The following CDH3 variants were observed in gnomAD, a reference collection of about 807,000 sequenced individuals.
The protein encoded by CDH3 is cadherin-3.
In CDH3, 54 loss-of-function variants were observed where a neutral mutation model predicts 82.0. The ratio of observed to expected loss-of-function variants is 0.66; its 90% CI spans 0.53 to 0.83. The LOEUF (loss-of-function observed/expected upper bound fraction) is 0.83, where lower values mean the gene tolerates loss of function less well. Ranked by LOEUF, CDH3 falls within the 40% of genes least tolerant of loss-of-function variation. CDH3 has a pLI of 0.00. For synonymous variants in CDH3, 446 were observed against 437.9 expected (o/e 1.02, Z -0.23); for missense variants, 1,054 against 1,084.6 (o/e 0.97, Z 0.40).
chr16:68,729,164 T>G (rs1250025457), downstream of CDH3, among the ~76,000 whole-genome samples: 1 of 151,978 alleles, frequency 6.6e-6, no homozygotes, highest in Non-Finnish European at 1.5e-5. Context: ...AATTAGCTGC[T>G]CATGGTGGTG....
At chr16:68,717,751 G>A (rs1962111649) in intron 1 of CDH3, among the ~76,000 whole-genome samples, 1 of 151,010 alleles carries the variant, frequency 6.6e-6, no homozygotes, top group South Asian at 2.1e-4. Context: ...CCAGCCTGGG[G>A]GATAAGAGCG....
chr16:68,714,224 G>A (rs1327517182), intron 1 of CDH3, among the ~76,000 whole-genome samples: 3 of 152,182 alleles, frequency 2.0e-5, no homozygotes, highest in South Asian at 2.1e-4. Context: ...GTGAGCCACC[G>A]CACCCAGCCC....
chr16:68,662,748 G>A (rs528344484), intron 2 of CDH3, among the ~76,000 whole-genome samples: 112 of 150,704 alleles, frequency 7.4e-4, no homozygotes, highest in Admixed American at 6.3e-3. Flanking sequence ...GAGTTTCACC[G>A]CATTAGCCAG....
intron 2 of CDH3, among the ~76,000 whole-genome samples, chr16:68,725,534 C>T (rs1007100394): frequency 2.6e-5 from 4 of 151,880 alleles, no homozygotes; most frequent in East Asian, 2.0e-4. Context: ...GGGGTTTCAC[C>T]ATGTTAGCCA....
intron 1 of CDH3, among the ~76,000 whole-genome samples, chr16:68,716,563 A>G (rs918536469): frequency 4.3e-5 from 6 of 139,348 alleles, no homozygotes; most frequent in African/African-American, 1.6e-4. Context: ...TGAGGTTACA[A>G]TGAGCTATGA....
chr16:68,667,508 T>C (rs1960766657), intron 2 of CDH3, among the ~76,000 whole-genome samples: 1 of 152,164 alleles, frequency 6.6e-6, no homozygotes, highest in East Asian at 1.9e-4. Context: ...CATCCAGTAA[T>C]GTTGGACATC....
intron 11 of CDH3, 91 bp from the exon 12 acceptor site, chr16:68,687,421 G>A (rs1961442314): frequency 2.1e-6 from 2 of 933,156 alleles, no homozygotes; most frequent in African/African-American, 1.6e-5. Flanking sequence ...AAGGTCTTGA[G>A]AGGTGAGAGC....
downstream of CDH3, among the ~76,000 whole-genome samples, chr16:68,704,958 G>A (rs1253736244): frequency 6.6e-6 from 1 of 152,142 alleles, no homozygotes; most frequent in Non-Finnish European, 1.5e-5. Context: ...AGCTACTCGG[G>A]AGGCTGAGGA....
intron 1 of CDH3, among the ~76,000 whole-genome samples, chr16:68,709,620 G>C (rs1962004032): frequency 6.6e-6 from 1 of 152,076 alleles, no homozygotes; most frequent in Non-Finnish European, 1.5e-5. Context: ...CACCACGCCC[G>C]GCTAATTTTT....
intron 4 of CDH3, 98 bp from the exon 5 acceptor site, chr16:68,678,403 A>G (rs972073865): frequency 5.7e-6 from 9 of 1,579,836 alleles, no homozygotes; most frequent in Non-Finnish European, 7.8e-6. Context: ...TTCAGTGAGC[A>G]GATTCTCCTA....
Position 68,675,667 on chromosome 16 carries a change from G to A in CDH3, c.161-718G>A, listed in dbSNP as rs144293998. 7.1e-3 allele frequency among the ~76,000 whole-genome samples: 1,072 copies of A among 152,044 alleles called. 10 individuals carry two copies. The highest frequency in any genetic ancestry group is 0.016 in the African/African-American group (678 of 41,478). On this transcript the variant is annotated intron_variant, in intron 2 of 15. Coordinates refer to ENST00000264012, the MANE Select transcript of CDH3 (RefSeq NM_001793.6). ...AAATTAGCTGGGCATGGTGGCGCAC[G>A]CCTGTAACCCCAGCTACTCAGGAGG...
Position 68,698,629 on chromosome 16 carries a change from G to T in CDH3, c.*229G>T, listed in dbSNP as rs1961821572. ...ACTGAAAACCTCTCCACCTGGGCCA[G>T]GGTTGCCTCAGAGGCCAAGTTTCCA... On this transcript the variant is annotated 3_prime_UTR_variant, in exon 16 of 16. Transcript: ENST00000264012. 1 of 574,414 alleles carries T rather than the reference G, an allele frequency of 1.7e-6. No individual in the cohort carries two copies. Among genetic ancestry groups the T allele is most frequent in the African/African-American group, 1.9e-5 (1 of 53,434 alleles). The allele number at this position is 574,414 out of a possible 1,614,324, so 35.6% of individuals were successfully genotyped here.
Position 68,645,317 on chromosome 16 carries a change from C to G in CDH3, c.-63C>G. 5 of 1,549,512 alleles carry G rather than the reference C, an allele frequency of 3.2e-6. No individual in the cohort carries two copies. Among genetic ancestry groups the G allele is most frequent in the Non-Finnish European group, 4.4e-6 (5 of 1,128,198 alleles). On this transcript the variant is annotated 5_prime_UTR_variant, in exon 1 of 16. Transcript: ENST00000264012. ...CCGGGGGCTGCGGTGCTCAAAGGGGCAAGAGCTGAGCGGAACACCGGCCCG... is the reference window on the plus strand; with the variant it reads ...CCGGGGGCTGCGGTGCTCAAAGGGGGAAGAGCTGAGCGGAACACCGGCCCG...
In CDH3 at chr16:68,685,242, A is replaced by G. The variant is rs771727027; in HGVS notation, c.1462A>G (p.Met488Val). 1.6e-5 allele frequency: 26 copies of G among 1,614,036 alleles called. No homozygotes were observed. In the South Asian group the frequency reaches 2.6e-4, roughly 16 times the overall value. Residue 488 changes from methionine to valine, a missense_variant, in exon 11 of 16, where the codon ATG (methionine) becomes GTG (valine). Met to Val is a conservative substitution (Grantham distance 21, BLOSUM62 1). Coordinates refer to ENST00000264012, the MANE Select transcript of CDH3 (RefSeq NM_001793.6). ...ILRDPAGWLA[M>V]DPDSGQVTAV... ...GAGAGACCCAGCAGGGTGGCTAGCC[A>G]TGGACCCAGACAGTGGGCAGGTCAC... is the stretch of plus-strand genomic sequence containing the variant.
intron 2 of CDH3, among the ~76,000 whole-genome samples, chr16:68,649,314 T>C (rs1287804934): frequency 2.6e-5 from 4 of 152,190 alleles, no homozygotes; most frequent in Admixed American, 2.6e-4. Flanking sequence ...CAATAATGCA[T>C]CTGACTGAGC....
rs144523648 is a variant in CDH3, at chr16:68,708,998, C to G, written c.99+13075C>G. On this transcript the variant is annotated intron_variant, in intron 1 of 2. Transcript: ENST00000569080. Reference sequence around the variant, plus strand: ...TTCACTATGTTGACCAGACTGGTCTCAAACTCCTGAACTCAGGTGATCTGC... The same window carrying G: ...TTCACTATGTTGACCAGACTGGTCTGAAACTCCTGAACTCAGGTGATCTGC... Among the ~76,000 whole-genome samples the G allele has an allele frequency of 1.7e-3, 255 of 152,196 alleles. 1 individual carries two copies. The highest frequency in any genetic ancestry group is 5.8e-3 in the African/African-American group (243 of 41,550).
At position 68,707,523 on chromosome 16, in the gene CDH3, G is replaced by A. The variant is rs972042059; in HGVS notation, c.99+11600G>A. On this transcript the variant is annotated intron_variant, in intron 1 of 2. Coordinates refer to the CDH3 transcript ENST00000569080. This position sits in a 1 kb window ranked among gnomAD's most constrained non-coding sequence, Gnocchi z 4.5. ...GCGGGAGCTAGGAGATTCCTCTCTC[G>A]GGGAACCGGGGAGCCTGTCTGAGAG... 3.9e-5 allele frequency among the ~76,000 whole-genome samples: 6 copies of A among 152,164 alleles called. No homozygotes were observed. Among genetic ancestry groups the A allele is most frequent in the African/African-American group, 1.4e-4 (6 of 41,446 alleles).
intron 2 of CDH3, among the ~76,000 whole-genome samples, chr16:68,654,146 G>A (rs1359817549): frequency 1.4e-5 from 2 of 147,164 alleles, no homozygotes; most frequent in Admixed American, 6.9e-5. Flanking sequence ...TGTAAACTCC[G>A]CCTCCCGGAT....
downstream of CDH3, among the ~76,000 whole-genome samples, chr16:68,729,347 C>T (rs8063630): frequency 0.81 from 122,552 of 152,080 alleles, 50,131 homozygotes; most frequent in Non-Finnish European, 0.89. Flanking sequence ...AACAAATGAC[C>T]CTGTGTGTTT....
Sources: allele counts gnomAD v4.1 joint callset (sites outside exome capture counted in the v4.1 genomes callset), GRCh38; gene constraint gnomAD v4.1.1; non-coding constraint Gnocchi (gnomAD v3.1); transcripts MANE v1.5; gene names NCBI Gene and HGNC (gene_info 2026-07-23, HGNC 2026-07-21).